The following SHC3 variants were observed in gnomAD, a reference collection of about 807,000 sequenced individuals.
The protein encoded by SHC3 is SHC adaptor protein 3, also known as SHC-transforming protein 3.
Under a neutral mutation model 60.4 loss-of-function variants are expected in SHC3, and 15 were observed. That is an observed-to-expected ratio of 0.25 (90% CI 0.17 to 0.38). The LOEUF is 0.38. Among genes scored for constraint, SHC3 ranks in the 10% least tolerant of loss-of-function variants. The probability of loss-of-function intolerance (pLI) is 1.00; values close to 1 mark genes in which losing one functional copy is unlikely to be tolerated. For missense variants in SHC3, 677 were observed against 786.1 expected (o/e 0.86, Z 1.66); for synonymous variants, 294 against 325.9 (o/e 0.90, Z 1.05).
chr9:89,025,907 C>G (rs368760281), intron 11 of SHC3, among the ~76,000 whole-genome samples: 18 of 152,256 alleles, frequency 1.2e-4, no homozygotes, highest in African/African-American at 4.1e-4. Flanking sequence ...TTTCCTTTAT[C>G]CAGGAGAGAA....
At chr9:89,115,752 C>T (rs1437019301) in intron 1 of SHC3, among the ~76,000 whole-genome samples, 1 of 152,132 alleles carries the variant, frequency 6.6e-6, no homozygotes, top group Non-Finnish European at 1.5e-5. Context: ...ATTGTGTGAA[C>T]ACCATGAGTA....
chr9:89,084,179 AGAAATTGACTTCCCTTACAC>A (rs1825490912), intron 2 of SHC3, among the ~76,000 whole-genome samples: 1 of 152,194 alleles, frequency 6.6e-6, no homozygotes, highest in Non-Finnish European at 1.5e-5. Context: ...ACACCCCTGG[AGAAATTGACTTCCCTTACAC>A]CTTAGCAGTT....
At chr9:89,174,678 C>A (rs1826917230) in intron 1 of SHC3, among the ~76,000 whole-genome samples, 2 of 152,188 alleles carry the variant, frequency 1.3e-5, no homozygotes, top group Admixed American at 6.5e-5. Flanking sequence ...TAAGAAGGAG[C>A]CCGTCTTTTG....
At chr9:89,038,879 T>A (rs1824628638) in intron 10 of SHC3, among the ~76,000 whole-genome samples, 1 of 152,218 alleles carries the variant, frequency 6.6e-6, no homozygotes, top group African/African-American at 2.4e-5. Flanking sequence ...TAACCTTCAC[T>A]TGTTTCCCTG....
Position 89,013,414 on chromosome 9 carries a change from T to G in SHC3, c.*33A>C. 6.6e-7 allele frequency: 1 copy of G among 1,516,996 alleles called. No individual in the cohort carries two copies. The highest frequency in any genetic ancestry group is 8.9e-7 in the Non-Finnish European group (1 of 1,129,646). 94.0% of individuals were successfully genotyped at this position (1,516,996 alleles called of 1,614,324 possible). ...TAGTCCACTCCAGGTCCTCCTGACC[T>G]GGTGCGCAGTGCTGGGAGCAGTGCT... On this transcript the variant is annotated 3_prime_UTR_variant, in exon 12 of 12. Coordinates refer to ENST00000375835, the MANE Select transcript of SHC3 (RefSeq NM_016848.6).
chr9:89,082,241 G>A (rs571824145), intron 2 of SHC3, among the ~76,000 whole-genome samples: 18 of 152,214 alleles, frequency 1.2e-4, no homozygotes, highest in African/African-American at 3.9e-4. Context: ...TGGGTGCAAT[G>A]GACAGTGTCT....
chr9:89,169,193 T>C (rs572605879), intron 1 of SHC3, among the ~76,000 whole-genome samples: 2 of 152,324 alleles, frequency 1.3e-5, no homozygotes, highest in African/African-American at 4.8e-5. Context: ...GCTCCTCTGA[T>C]GCTGGAAGAG....
At chr9:89,138,827 G>A (rs1826354408) in intron 1 of SHC3, among the ~76,000 whole-genome samples, 1 of 150,800 alleles carries the variant, frequency 6.6e-6, no homozygotes, top group African/African-American at 2.4e-5. Context: ...GCCTATTAGG[G>A]TCTCTTATAT....
intron 2 of SHC3, among the ~76,000 whole-genome samples, chr9:89,106,375 G>A (rs1825859725): frequency 6.6e-6 from 1 of 152,230 alleles, no homozygotes; most frequent in African/African-American, 2.4e-5. Flanking sequence ...AGCCAGCGCT[G>A]TCGCCTGGCA....
intron 10 of SHC3, among the ~76,000 whole-genome samples, chr9:89,040,201 T>TCATCGC (rs1824659301): frequency 7.1e-6 from 1 of 141,308 alleles, no homozygotes; most frequent in Non-Finnish European, 1.6e-5. Flanking sequence ...ATCAGCAGCA[T>TCATCGC]CATCACCATC....
chr9:89,119,652 T>C (rs1447609695), intron 1 of SHC3, among the ~76,000 whole-genome samples: 1 of 152,212 alleles, frequency 6.6e-6, no homozygotes, highest in Non-Finnish European at 1.5e-5. Context: ...GAAAGACATG[T>C]CATGCTTTCT....
At position 89,075,218 on chromosome 9, in the gene SHC3, T is replaced by C; in HGVS notation, c.620A>G (p.Lys207Arg). Residue 207 changes from lysine (K) to arginine (R), a missense_variant, in exon 4 of 12, where the codon AAA becomes AGA. Coordinates refer to ENST00000375835, the MANE Select transcript of SHC3 (RefSeq NM_016848.6). ...GAFKKRKPPS[K>R]MLSSILGKSN... Reference sequence around the variant, plus strand: ...CTTTCCCAAGATGCTGGACAGCATTTTGCTTGGAGGCTGTGAAATTAAAGA... The same window carrying C: ...CTTTCCCAAGATGCTGGACAGCATTCTGCTTGGAGGCTGTGAAATTAAAGA... 6.2e-7 allele frequency: 1 copy of C among 1,613,762 alleles called. No homozygotes were observed. Among genetic ancestry groups the C allele is most frequent in the Non-Finnish European group, 8.5e-7 (1 of 1,179,792 alleles).
At chr9:89,120,714 A>G (rs936260734) in intron 1 of SHC3, among the ~76,000 whole-genome samples, 9 of 152,208 alleles carry the variant, frequency 5.9e-5, no homozygotes, top group Non-Finnish European at 1.2e-4. Flanking sequence ...CCATAAAGAT[A>G]TTTGTTACTT....
In SHC3 at chr9:89,007,233, C is replaced by T. The variant is rs1001297581; in HGVS notation, c.*6214G>A. 3 of 152,312 alleles carry T rather than the reference C, an allele frequency of 2.0e-5. No individual in the cohort carries two copies. Among genetic ancestry groups the T allele is most frequent in the African/African-American group, 7.2e-5 (3 of 41,450 alleles). The allele number at this position is 152,312 out of a possible 1,614,324, so 9.4% of individuals were successfully genotyped here. On this transcript the variant is annotated 3_prime_UTR_variant, in exon 12 of 12. Transcript: ENST00000375835. ...GAGTGACAACTCCAGGCTGTCCACC[C>T]CCATCCTGAGCCTTCCACACTCTTC...
chr9:89,104,729 C>A (rs1281700577), intron 2 of SHC3, among the ~76,000 whole-genome samples: 1 of 152,192 alleles, frequency 6.6e-6, no homozygotes, highest in Non-Finnish European at 1.5e-5. Flanking sequence ...CCACACCAAG[C>A]CCATCCTTCC....
At chr9:89,019,261 T>C (rs977454339) in intron 11 of SHC3, among the ~76,000 whole-genome samples, 2 of 152,160 alleles carry the variant, frequency 1.3e-5, no homozygotes, top group African/African-American at 4.8e-5. Flanking sequence ...CCATTATTGC[T>C]AAAAATGTGT....
At chr9:89,164,039 T>G (rs1483665976) in intron 1 of SHC3, among the ~76,000 whole-genome samples, 1 of 152,026 alleles carries the variant, frequency 6.6e-6, no homozygotes, top group East Asian at 1.9e-4. Context: ...CACCATCGAA[T>G]TAGGGTTTAG....
chr9:89,046,203 G>A (rs752688479), intron 8 of SHC3, among the ~76,000 whole-genome samples: 57 of 151,184 alleles, frequency 3.8e-4, no homozygotes, highest in Non-Finnish European at 5.9e-4. Context: ...GCCCATGATC[G>A]TTCACACTTG....
At chr9:89,022,761 G>A (rs1293743956) in intron 11 of SHC3, among the ~76,000 whole-genome samples, 13 of 151,992 alleles carry the variant, frequency 8.6e-5, no homozygotes, top group Non-Finnish European at 5.9e-5. Flanking sequence ...CCTAGTGCCC[G>A]TCTTTAAAAT....
Sources: gnomAD v4.1 joint callset for allele counts (sites outside exome capture counted in the v4.1 genomes callset) on GRCh38, gnomAD v4.1.1 for gene constraint, MANE v1.5 for transcripts, NCBI Gene and HGNC (gene_info 2026-07-23, HGNC 2026-07-21) for gene names.